AK9: variants seen among roughly 807,000 people sequenced by gnomAD.
The protein encoded by AK9 is adenylate kinase domain containing 1.
AK9 carries 191 observed loss-of-function variants against 239.6 expected under a neutral mutation model. That is an observed-to-expected ratio of 0.80 (90% CI 0.71 to 0.90). The LOEUF (loss-of-function observed/expected upper bound fraction) is 0.90, where lower values mean the gene tolerates loss of function less well. Among genes scored for constraint, AK9 ranks in the 40% least tolerant of loss-of-function variants. The pLI is 0.00. For missense variants in AK9, 1,995 were observed against 2,214.7 expected, an observed-to-expected ratio of 0.90 and a Z score of 1.99; for synonymous variants, 689 against 721.0, an observed-to-expected ratio of 0.96 and a Z score of 0.71.
intron 28 of AK9, among the ~76,000 whole-genome samples, chr6:109,532,543 T>C (rs1781414107): frequency 6.6e-6 from 1 of 152,206 alleles, no homozygotes; most frequent in Non-Finnish European, 1.5e-5. Context: ...CTCAGCACAA[T>C]GGTTTTGATT....
chr6:109,497,634 C>T, intron 37 of AK9, 71 bp from the exon 38 acceptor site: 2 of 1,362,704 alleles, frequency 1.5e-6, no homozygotes, highest in Non-Finnish European at 2.0e-6. Flanking sequence ...AATAAAAAGT[C>T]AAAAGTATTT....
chr6:109,641,394 T>A, intron 10 of AK9, 124 bp downstream of exon 10: 4 of 503,886 alleles, frequency 7.9e-6, no homozygotes, highest in Non-Finnish European at 1.4e-5. Flanking sequence ...GACTAGGTCA[T>A]CCAGGCTGGT....
chr6:109,634,626 G>A (rs2145145), intron 10 of AK9, among the ~76,000 whole-genome samples: 28,750 of 152,138 alleles, frequency 0.19, 3,193 homozygotes, highest in South Asian at 0.34. Context: ...CAGGGATACT[G>A]CATGAATGTT....
At chr6:109,637,190 ATCT>A (rs1438776290) in intron 10 of AK9, among the ~76,000 whole-genome samples, 8 of 152,210 alleles carry the variant, frequency 5.3e-5, no homozygotes, top group African/African-American at 1.9e-4. Flanking sequence ...CTATTTATAT[ATCT>A]TCTTTAGAGA....
chr6:109,677,343 A>G (rs1283125859), intron 1 of AK9, among the ~76,000 whole-genome samples: 1 of 152,186 alleles, frequency 6.6e-6, no homozygotes, highest in Non-Finnish European at 1.5e-5. Context: ...AATTGCACAA[A>G]TCTATAAAAA....
intron 38 of AK9, among the ~76,000 whole-genome samples, chr6:109,496,823 A>G (rs1777084240): frequency 6.6e-6 from 1 of 152,190 alleles, no homozygotes; most frequent in Admixed American, 6.5e-5. Context: ...ACACTTTAGT[A>G]GTGGTCTGAC....
chr6:109,549,395 A>G (rs1309336629), intron 25 of AK9, among the ~76,000 whole-genome samples: 2 of 152,122 alleles, frequency 1.3e-5, no homozygotes, highest in East Asian at 3.9e-4. Flanking sequence ...AAGTTCACCA[A>G]TCCCTGAATT....
intron 9 of AK9, 66 bp downstream of exon 9, chr6:109,644,548 T>C: frequency 7.4e-7 from 1 of 1,356,726 alleles, no homozygotes; most frequent in Non-Finnish European, 1.0e-6. Context: ...TTAAAAGAAG[T>C]ACAATACTGT....
rs1199218798 is a variant in AK9 at position 109,495,434 on chromosome 6, T to C, written c.5322A>G (p.Pro1774=). ...KEKLQKFLRS[P]LKYWEQKLPH... is the part of the protein sequence containing the mutation. ...GAAGCTTCTGTTCCCAGTATTTCAG[T>C]GGCGACCTAAGAACACAAAGTTCAT... The change falls in exon 39 of 41, where the codon CCA becomes CCG. Residue 1774 remains proline, a synonymous_variant. Transcript: ENST00000424296. 6.2e-7 allele frequency: 1 copy of C among 1,612,580 alleles called. No individual in the cohort carries two copies. The highest frequency in any genetic ancestry group is 2.2e-5 in the East Asian group (1 of 44,852).
chr6:109,658,286 A>G (rs1041022494), intron 7 of AK9, among the ~76,000 whole-genome samples: 2 of 152,174 alleles, frequency 1.3e-5, no homozygotes, highest in African/African-American at 2.4e-5. Flanking sequence ...CTTTGCTAGC[A>G]CACTGGCGTT....
intron 1 of AK9, 41 bp from the exon 2 acceptor site, chr6:109,675,797 GGTTGGAT>G: frequency 1.7e-6 from 2 of 1,161,370 alleles, no homozygotes; most frequent in Non-Finnish European, 2.5e-6. Context: ...TGTCTAATTT[GGTTGGAT>G]GAGGTGACTA....
intron 1 of AK9, among the ~76,000 whole-genome samples, chr6:109,684,109 T>A (rs1773088067): frequency 6.6e-6 from 1 of 152,122 alleles, no homozygotes; most frequent in Non-Finnish European, 1.5e-5. Flanking sequence ...TCTACAACCA[T>A]CTGATCTTTG....
chr6:109,623,862 GACACACACACACACACACACACACAC>G (rs567410173), intron 12 of AK9, among the ~76,000 whole-genome samples: 1 of 136,122 alleles, frequency 7.3e-6, no homozygotes, highest in Non-Finnish European at 1.6e-5. Context: ...AGGAATCTTA[GACACACACACACACACACACACACAC>G]ACACACACAC....
chr6:109,619,318 C>T (rs893193035), intron 12 of AK9, 82 bp from the exon 13 acceptor site: 11 of 1,347,872 alleles, frequency 8.2e-6, no homozygotes, highest in Non-Finnish European at 1.1e-5. Context: ...CTATGTATAT[C>T]TATCTATATT....
At chr6:109,657,362 AAATATAT>A (rs1202516149) in intron 7 of AK9, among the ~76,000 whole-genome samples, 1 of 152,130 alleles carries the variant, frequency 6.6e-6, no homozygotes, top group Non-Finnish European at 1.5e-5. Context: ...GTACACAAAT[AAATATAT>A]AATATATTAG....
At chr6:109,578,580 G>A (rs530909016) in intron 20 of AK9, among the ~76,000 whole-genome samples, 165 of 151,960 alleles carry the variant, frequency 1.1e-3, no homozygotes, top group Admixed American at 2.2e-3. Context: ...TCTTGGGTTC[G>A]GGTTTGGGTT....
chr6:109,611,155 C>T, intron 16 of AK9, among the ~76,000 whole-genome samples: 1 of 152,174 alleles, frequency 6.6e-6, no homozygotes, highest in East Asian at 1.9e-4. Flanking sequence ...TGAGCCTCTG[C>T]CTCAGGGCTC....
intron 21 of AK9, among the ~76,000 whole-genome samples, chr6:109,566,493 T>G (rs9320299): frequency 0.58 from 88,551 of 151,990 alleles, 27,482 homozygotes; most frequent in East Asian, 0.84. Context: ...AAACACAAGA[T>G]AACAACTGAG....
In AK9 at chr6:109,514,436, A is replaced by G; in HGVS notation, c.4067T>C (p.Leu1356Pro). 6.5e-7 allele frequency: 1 copy of G among 1,539,934 alleles called. No homozygotes were observed. The highest frequency in any genetic ancestry group is 8.8e-7 in the Non-Finnish European group (1 of 1,141,880). The stretch of plus-strand genomic sequence containing the variant: ...TGGCTTGATTGTCTCTCCTTCACTT[A>G]GCTGCAACATATACACAGTTGAATT... ...SSFGYWDPVK[L>P]SEGETIKPVE... is the part of the protein sequence containing the mutation. The change falls in exon 32 of 41, where the codon CTA becomes CCA. Residue 1356 changes from leucine to proline, a missense_variant and splice_region_variant. By Grantham distance (98) the Leu-to-Pro change is moderately conservative. Coordinates refer to ENST00000424296, the MANE Select transcript of AK9 (RefSeq NM_001145128.3).
Sources: allele counts gnomAD v4.1 joint callset (sites outside exome capture counted in the v4.1 genomes callset), GRCh38; gene constraint gnomAD v4.1.1; transcripts MANE v1.5; gene names NCBI Gene and HGNC (gene_info 2026-07-23, HGNC 2026-07-21).